FMN2: variants seen among roughly 807,000 people sequenced by gnomAD.
FMN2 encodes the protein formin 2.
A neutral mutation model predicts 142.3 loss-of-function variants in FMN2; 51 were observed. That is an observed-to-expected ratio of 0.36 (90% confidence interval 0.29 to 0.45). FMN2 has a LOEUF of 0.45. Among genes scored for constraint, FMN2 ranks in the 20% least tolerant of loss-of-function variants. The pLI, the probability that FMN2 is intolerant of heterozygous loss-of-function variation, is 1.00. For synonymous variants in FMN2, 882 were observed against 869.8 expected (o/e 1.01, Z -0.25); for missense variants, 1,936 against 2,122.8 (o/e 0.91, Z 1.73).
chr1:240,126,936 G>A (rs750214022), intron 2 of FMN2, among the ~76,000 whole-genome samples: 8 of 152,044 alleles, frequency 5.3e-5, no homozygotes, highest in Non-Finnish European at 1.0e-4. Context: ...TAGGATGAGC[G>A]CAGAGGGGAG....
intron 8 of FMN2, among the ~76,000 whole-genome samples, chr1:240,297,872 T>G (rs541999094): frequency 6.6e-6 from 1 of 152,254 alleles, no homozygotes; most frequent in Non-Finnish European, 1.5e-5. Flanking sequence ...TGGGATCTGG[T>G]GAGGGCCCTC....
chr1:240,279,780 C>A (rs1484521877), intron 7 of FMN2, among the ~76,000 whole-genome samples: 1 of 152,136 alleles, frequency 6.6e-6, no homozygotes, highest in Non-Finnish European at 1.5e-5. Context: ...TACACATCAA[C>A]ATATACTTCA....
intron 6 of FMN2, among the ~76,000 whole-genome samples, chr1:240,246,635 A>T (rs1668092665): frequency 6.6e-6 from 1 of 152,176 alleles, no homozygotes; most frequent in Non-Finnish European, 1.5e-5. Context: ...TCCCACCCAG[A>T]TTTAGGGATC....
At chr1:240,384,503 C>T (rs935158422) in intron 14 of FMN2, among the ~76,000 whole-genome samples, 1 of 151,986 alleles carries the variant, frequency 6.6e-6, no homozygotes, top group South Asian at 2.1e-4. Context: ...CTATGGTGCA[C>T]CTTTGCTTCT....
chr1:240,228,514 A>G (rs112613467), intron 6 of FMN2, among the ~76,000 whole-genome samples: 36 of 152,074 alleles, frequency 2.4e-4, no homozygotes, highest in African/African-American at 7.2e-4. Flanking sequence ...GGATGGCTAT[A>G]ATCAAAGAGA....
At chr1:240,145,119 TAGA>T in intron 2 of FMN2, 4 of 1,482,772 alleles carry the variant, frequency 2.7e-6, no homozygotes, top group Non-Finnish European at 3.8e-6. Context: ...ATGGAAGTTG[TAGA>T]AGAACGAATC....
At chr1:240,469,932 G>T (rs762174028) in intron 16 of FMN2, among the ~76,000 whole-genome samples, 1 of 152,126 alleles carries the variant, frequency 6.6e-6, no homozygotes, top group African/African-American at 2.4e-5. Flanking sequence ...ATCTTGTGAG[G>T]CCTCCGATGC....
intron 6 of FMN2, among the ~76,000 whole-genome samples, chr1:240,247,681 A>T (rs571133628): frequency 6.6e-6 from 1 of 152,154 alleles, no homozygotes; most frequent in Non-Finnish European, 1.5e-5. Flanking sequence ...ATGGACAGGA[A>T]GGGATGAGAT....
At chr1:240,117,264 G>A (rs1014714291) in intron 1 of FMN2, among the ~76,000 whole-genome samples, 3 of 152,306 alleles carry the variant, frequency 2.0e-5, no homozygotes, top group African/African-American at 4.8e-5. Flanking sequence ...GGGAAGAACG[G>A]GTCAGGTGGG....
chr1:240,266,607 C>T (rs966634170), intron 7 of FMN2, among the ~76,000 whole-genome samples: 2 of 152,002 alleles, frequency 1.3e-5, no homozygotes, highest in Admixed American at 6.6e-5. Context: ...TTATCCAGGC[C>T]ACCATTGATG....
At chr1:240,235,215 T>C (rs1357467147) in intron 6 of FMN2, among the ~76,000 whole-genome samples, 1 of 152,224 alleles carries the variant, frequency 6.6e-6, no homozygotes, top group Non-Finnish European at 1.5e-5. Context: ...AGTGACTTCT[T>C]TCTGTCCAGG....
At chr1:240,445,107 C>T (rs1044000851) in intron 16 of FMN2, among the ~76,000 whole-genome samples, 4 of 152,170 alleles carry the variant, frequency 2.6e-5, no homozygotes, top group African/African-American at 9.7e-5. Context: ...ACAAACAGGA[C>T]AGTCAAAATA....
chr1:240,355,093 T>G (rs1672218158), intron 13 of FMN2, among the ~76,000 whole-genome samples: 1 of 152,144 alleles, frequency 6.6e-6, no homozygotes, highest in South Asian at 2.1e-4. Flanking sequence ...AACTTTGGTG[T>G]TAGATCAGGA....
At chr1:240,168,582 C>G (rs780719549) in intron 2 of FMN2, among the ~76,000 whole-genome samples, 5 of 152,206 alleles carry the variant, frequency 3.3e-5, no homozygotes, top group Non-Finnish European at 5.9e-5. Context: ...GAATGAGACC[C>G]CATCTCTTTA....
At chr1:240,471,495 C>G (rs993430439) in intron 16 of FMN2, among the ~76,000 whole-genome samples, 2 of 152,002 alleles carry the variant, frequency 1.3e-5, no homozygotes, top group African/African-American at 4.8e-5. Context: ...CCTGCCTCAA[C>G]CTCCGAGTAC....
At chr1:240,268,030 G>A (rs1014829947) in intron 7 of FMN2, among the ~76,000 whole-genome samples, 1 of 152,024 alleles carries the variant, frequency 6.6e-6, no homozygotes, top group Non-Finnish European at 1.5e-5. Flanking sequence ...CTTATATACT[G>A]TTGGCAGGGG....
chr1:240,322,981 C>T (rs761119861), intron 8 of FMN2, among the ~76,000 whole-genome samples: 1 of 152,060 alleles, frequency 6.6e-6, no homozygotes, highest in African/African-American at 2.4e-5. Flanking sequence ...CCTGATCTTC[C>T]GCCATCCCCA....
intron 7 of FMN2, among the ~76,000 whole-genome samples, chr1:240,272,457 G>A (rs189241384): frequency 1.3e-5 from 2 of 152,274 alleles, no homozygotes; most frequent in African/African-American, 4.8e-5. Flanking sequence ...TTCATAAGTA[G>A]AGTTATGTTT....
At chr1:240,343,661 G>A (rs139877315) in intron 13 of FMN2, among the ~76,000 whole-genome samples, 16 of 152,256 alleles carry the variant, frequency 1.1e-4, no homozygotes, top group Admixed American at 6.5e-4. Flanking sequence ...ACTTTACCAG[G>A]TGAACAAATT....
Sources: gnomAD v4.1 joint callset for allele counts (sites outside exome capture counted in the v4.1 genomes callset) on GRCh38, gnomAD v4.1.1 for gene constraint, MANE v1.5 for transcripts, NCBI Gene and HGNC (gene_info 2026-07-23, HGNC 2026-07-21) for gene names.